Variants in TFCP2L1 observed in about 807,000 individuals in gnomAD.
TFCP2L1 encodes transcription factor CP2-like protein 1.
Under a neutral mutation model 72.2 loss-of-function variants are expected in TFCP2L1, and 12 were observed. The ratio of observed to expected loss-of-function variants is 0.17; its 90% CI spans 0.11 to 0.27. The LOEUF (loss-of-function observed/expected upper bound fraction) is 0.27, where lower values mean the gene tolerates loss of function less well. Ranked by LOEUF, TFCP2L1 falls within the 10% of genes least tolerant of loss-of-function variation. The probability of loss-of-function intolerance (pLI) is 1.00; values close to 1 mark genes in which losing one functional copy is unlikely to be tolerated. For missense variants in TFCP2L1, 488 were observed against 624.6 expected, an observed-to-expected ratio of 0.78 and a Z score of 2.33; for synonymous variants, 260 against 251.0, an observed-to-expected ratio of 1.04 and a Z score of -0.34.
intron 7 of TFCP2L1, chr2:121,240,480 G>A (rs1330761234): frequency 2.0e-6 from 2 of 985,300 alleles, no homozygotes; most frequent in Non-Finnish European, 2.4e-6. Context: ...AAATATTTAA[G>A]TATTGTGAGT....
At chr2:121,255,524 T>TA (rs1200647127) in intron 2 of TFCP2L1, among the ~76,000 whole-genome samples, 1 of 152,224 alleles carries the variant, frequency 6.6e-6, no homozygotes, top group East Asian at 1.9e-4. Context: ...AAGAAAAGTC[T>TA]ATTGTTTCCC....
intron 10 of TFCP2L1, 136 bp downstream of exon 10, chr2:121,237,487 G>T: frequency 1.0e-6 from 1 of 991,776 alleles, no homozygotes; most frequent in Non-Finnish European, 1.5e-6. Flanking sequence ...ACGTGAGCGA[G>T]CGAACCCACA....
chr2:121,246,740 T>C (rs1412825206), intron 6 of TFCP2L1, 78 bp downstream of exon 6: 4 of 1,583,282 alleles, frequency 2.5e-6, no homozygotes, highest in Non-Finnish European at 3.4e-6. Context: ...AAGAGGAAAC[T>C]CCAGGGTCTC....
chr2:121,230,606 C>A (rs1329734285), intron 13 of TFCP2L1, among the ~76,000 whole-genome samples: 2 of 152,096 alleles, frequency 1.3e-5, no homozygotes, highest in Non-Finnish European at 2.9e-5. Flanking sequence ...CATGGCAAAA[C>A]CCTGTCTCTA....
At position 121,278,583 on chromosome 2, in the gene TFCP2L1, G is replaced by C. The variant is rs1687193767; in HGVS notation, c.214+2537C>G. ...TGACTGTAATCCCAGCTACTTGGGA[G>C]GCTGAAGCAGGACAATCGCTTGAAC... On this transcript the variant is annotated intron_variant, in intron 2 of 14. Coordinates refer to ENST00000263707, the MANE Select transcript of TFCP2L1 (RefSeq NM_014553.3). Among the ~76,000 whole-genome samples, 4 of 151,530 alleles carry C rather than the reference G, an allele frequency of 2.6e-5. No homozygotes were observed. The South Asian group carries it at 8.4e-4, about 32-fold the overall frequency.
chr2:121,275,330 C>A (rs1039590434), intron 2 of TFCP2L1, among the ~76,000 whole-genome samples: 72 of 133,552 alleles, frequency 5.4e-4, no homozygotes, highest in Non-Finnish European at 5.7e-4. Context: ...ACCCAGGAGG[C>A]GAAGCTGGCA....
intron 2 of TFCP2L1, among the ~76,000 whole-genome samples, chr2:121,278,314 GC>G (rs1687188138): frequency 6.7e-6 from 1 of 150,182 alleles, no homozygotes; most frequent in South Asian, 2.1e-4. Context: ...GGGATTACAG[GC>G]GTGAGCCACT....
chr2:121,240,159 A>G (rs982144431), intron 7 of TFCP2L1: 100 of 985,188 alleles, frequency 1.0e-4, no homozygotes, highest in Non-Finnish European at 2.3e-5. Flanking sequence ...ACAATCACCA[A>G]AAGCAGCTCC....
chr2:121,235,962 G>A (rs1686240794), intron 10 of TFCP2L1, among the ~76,000 whole-genome samples: 1 of 152,102 alleles, frequency 6.6e-6, no homozygotes, highest in Non-Finnish European at 1.5e-5. Flanking sequence ...ACTTGCTACA[G>A]TGCAGACACG....
chr2:121,268,834 G>A (rs1247279642), intron 2 of TFCP2L1, among the ~76,000 whole-genome samples: 1 of 149,472 alleles, frequency 6.7e-6, no homozygotes, highest in Non-Finnish European at 1.5e-5. Context: ...ACCTTTCACG[G>A]CCATACAGAA....
At chr2:121,249,405 C>T (rs1036991670) in intron 3 of TFCP2L1, among the ~76,000 whole-genome samples, 166 bp downstream of exon 3, 1 of 152,188 alleles carries the variant, frequency 6.6e-6, no homozygotes, top group African/African-American at 2.4e-5. Flanking sequence ...GGGCAACAGG[C>T]TCCAGAGAAG....
At chr2:121,254,415 G>C (rs1368234545) in intron 2 of TFCP2L1, among the ~76,000 whole-genome samples, 1 of 152,230 alleles carries the variant, frequency 6.6e-6, no homozygotes, top group Admixed American at 6.5e-5. Context: ...GTTCGAACCA[G>C]GGGATGAGAA....
chr2:121,285,196 C>G lies in TFCP2L1; in HGVS notation c.-87G>C. 1 of 1,208,158 alleles carries G rather than the reference C, an allele frequency of 8.3e-7. No individual in the cohort carries two copies. The highest frequency in any genetic ancestry group is 1.1e-6 in the Non-Finnish European group (1 of 944,394). 74.8% of individuals were successfully genotyped at this position (1,208,158 alleles called of 1,614,324 possible). A position where few individuals can be genotyped will look rare whatever the true frequency, so the allele number is the denominator to read the frequency against. On this transcript the variant is annotated 5_prime_UTR_variant, in exon 1 of 15. Transcript: ENST00000263707. Reference sequence around the variant, plus strand: ...AGGACCCAGCGGCGGCTTCGCGCTCCGAACCCGCGGTGCCGGCCGGCTCGG... The same window carrying G: ...AGGACCCAGCGGCGGCTTCGCGCTCGGAACCCGCGGTGCCGGCCGGCTCGG...
intron 2 of TFCP2L1, among the ~76,000 whole-genome samples, chr2:121,280,910 G>A (rs983676536): frequency 6.6e-6 from 1 of 152,132 alleles, no homozygotes. Context: ...TGAGGTATCT[G>A]ATGTTTCCAT....
At chr2:121,239,724 G>A (rs902330301) in intron 7 of TFCP2L1, 75 bp from the exon 8 acceptor site, 3 of 1,402,776 alleles carry the variant, frequency 2.1e-6, no homozygotes, top group Non-Finnish European at 2.9e-6. Context: ...TCCCAAGCAG[G>A]CATGCACTGA....
At chr2:121,267,756 A>T (rs1686961878) in intron 2 of TFCP2L1, among the ~76,000 whole-genome samples, 1 of 152,138 alleles carries the variant, frequency 6.6e-6, no homozygotes, top group African/African-American at 2.4e-5. Context: ...TGGCCTCCCA[A>T]AGTGCTGGGA....
At chr2:121,241,231 C>T (rs914108922) in intron 7 of TFCP2L1, among the ~76,000 whole-genome samples, 15 of 152,242 alleles carry the variant, frequency 9.9e-5, no homozygotes, top group Admixed American at 8.5e-4. Flanking sequence ...CAGTGGCTCA[C>T]GCCTGTAATC....
chr2:121,261,011 T>C (rs1686821717), intron 2 of TFCP2L1, among the ~76,000 whole-genome samples: 1 of 152,208 alleles, frequency 6.6e-6, no homozygotes, highest in African/African-American at 2.4e-5. Context: ...TAACGGTAGA[T>C]GCAGAAAGCA....
At chr2:121,260,300 C>G (rs187968953) in intron 2 of TFCP2L1, among the ~76,000 whole-genome samples, 5,628 of 134,760 alleles carry the variant, frequency 0.042, 163 homozygotes, top group East Asian at 0.15. Context: ...CCGGGGTTGA[C>G]TCAGACCCCT....
Sources: allele counts gnomAD v4.1 joint callset (sites outside exome capture counted in the v4.1 genomes callset), GRCh38; gene constraint gnomAD v4.1.1; transcripts MANE v1.5; gene names NCBI Gene and HGNC (gene_info 2026-07-23, HGNC 2026-07-21).